Variants in GSE1 observed in about 807,000 individuals in gnomAD.
GSE1 encodes the protein Gse1 coiled-coil protein, also known as genetic suppressor element 1.
In GSE1, 32 loss-of-function variants were observed where a neutral mutation model predicts 112.6. That is an observed-to-expected ratio of 0.28 (90% CI 0.21 to 0.38). GSE1 has a LOEUF of 0.38. Among genes scored for constraint, GSE1 ranks in the 10% least tolerant of loss-of-function variants. The pLI is 1.00. For missense variants in GSE1, 2,348 were observed against 1,699.2 expected, an observed-to-expected ratio of 1.38 and a Z score of -6.71; for synonymous variants, 1,115 against 735.6, an observed-to-expected ratio of 1.52 and a Z score of -8.35.
intron 2 of GSE1, among the ~76,000 whole-genome samples, chr16:85,371,302 C>A (rs535320862): frequency 6.6e-6 from 1 of 152,206 alleles, no homozygotes; most frequent in African/African-American, 2.4e-5. Context: ...GATGGCCCCA[C>A]GCAGCGCCAT....
intron 1 of GSE1, among the ~76,000 whole-genome samples, chr16:85,201,900 C>A (rs886881948): frequency 2.0e-5 from 3 of 152,190 alleles, no homozygotes; most frequent in Non-Finnish European, 4.4e-5. Context: ...TTCAGAATTG[C>A]GGACAAGGAA....
At chr16:85,606,056 C>T (rs529827540) in intron 1 of GSE1, among the ~76,000 whole-genome samples, 1 of 152,314 alleles carries the variant, frequency 6.6e-6, no homozygotes, top group East Asian at 1.9e-4. Context: ...CAGCCCCTGC[C>T]CTCCTTCTCA....
At position 85,270,659 on chromosome 16, in the gene GSE1, C is replaced by T. The variant is rs967368627; in HGVS notation, c.2284-86804C>T. 4.7e-5 allele frequency among the ~76,000 whole-genome samples: 7 copies of T among 148,744 alleles called. 1 individual carries two copies. Among genetic ancestry groups the T allele is most frequent in the Admixed American group, 6.7e-5 (1 of 14,904 alleles). On this transcript the variant is annotated intron_variant, in intron 1 of 2. Transcript: ENST00000637419. ...CTTTGTTAATGCTCTGTCCTGCGTGCGGCCTTGAAGGAAACACACACGAGA... is the reference window on the plus strand; with the variant it reads ...CTTTGTTAATGCTCTGTCCTGCGTGTGGCCTTGAAGGAAACACACACGAGA...
chr16:85,468,931 A>T (rs754517719), intron 2 of GSE1, among the ~76,000 whole-genome samples: 3 of 152,192 alleles, frequency 2.0e-5, no homozygotes, highest in Non-Finnish European at 2.9e-5. Context: ...TAATTAATTA[A>T]GCCTCTTGAG....
At chr16:85,544,165 C>T (rs1333460563) in intron 2 of GSE1, among the ~76,000 whole-genome samples, 2 of 152,224 alleles carry the variant, frequency 1.3e-5, no homozygotes, top group South Asian at 2.1e-4. Context: ...ATGACTGTGC[C>T]GTTCTATTGA....
At chr16:85,270,167 G>C (rs1327422598) in intron 1 of GSE1, among the ~76,000 whole-genome samples, 2 of 148,916 alleles carry the variant, frequency 1.3e-5, no homozygotes, top group East Asian at 3.9e-4. Context: ...ACGCTCAGTG[G>C]TAACCTCCCC....
intron 1 of GSE1, among the ~76,000 whole-genome samples, chr16:85,250,294 C>T (rs377673513): frequency 1.9e-3 from 284 of 152,352 alleles, no homozygotes; most frequent in Non-Finnish European, 3.3e-3. Flanking sequence ...CAGAGGTTCT[C>T]GTGGCGCCCT....
intron 1 of GSE1, among the ~76,000 whole-genome samples, chr16:85,225,537 G>C (rs555419544): frequency 7.4e-4 from 113 of 152,324 alleles, no homozygotes; most frequent in African/African-American, 2.6e-3. Flanking sequence ...GGTGCAGCCT[G>C]ATCCGCATGA....
At position 85,654,875 on chromosome 16, in the gene GSE1, C is replaced by T. The variant is rs147629403; in HGVS notation, c.681C>T (p.Thr227=). ...DYLRSFRPYH[T]TDDLRMSSLP... is the part of the protein sequence containing the mutation. ...TGAGAAGCTTCCGGCCCTACCACAC[C>T]ACCGACGACCTCCGCATGTCCTCAC... Residue 227 remains threonine (T), a synonymous_variant, in exon 5 of 16, where the codon ACC becomes ACT. Transcript: ENST00000253458. The T allele has an allele frequency of 8.3e-3, 13,368 of 1,611,700 alleles. 75 individuals carry two copies. Among genetic ancestry groups the T allele is most frequent in the Non-Finnish European group, 9.9e-3 (11,723 of 1,179,232 alleles).
At chr16:85,312,934 G>A (rs982043811) in intron 1 of GSE1, among the ~76,000 whole-genome samples, 1 of 152,160 alleles carries the variant, frequency 6.6e-6, no homozygotes, top group Non-Finnish European at 1.5e-5. Flanking sequence ...TGTGACGGAA[G>A]TGCTGAGGCC....
intron 1 of GSE1, among the ~76,000 whole-genome samples, chr16:85,275,160 G>T (rs914982762): frequency 6.6e-6 from 1 of 152,092 alleles, no homozygotes; most frequent in African/African-American, 2.4e-5. Flanking sequence ...CCCAGACAAG[G>T]GAAAAGTCTC....
chr16:85,660,107 C>G lies in GSE1; in HGVS notation c.1641-1039C>G, dbSNP rs142840249. On this transcript the variant is annotated intron_variant, in intron 8 of 15. Transcript: ENST00000253458. ...CCAGCCTGCCCTGTGTCATGTGTCC[C>G]TACAAGGCACAGCAGGAGGAGAGGG... Among the ~76,000 whole-genome samples, 323 of 152,346 alleles carry G rather than the reference C, an allele frequency of 2.1e-3. 2 individuals are homozygous for G. Among genetic ancestry groups the G allele is most frequent in the African/African-American group, 6.9e-3 (286 of 41,594 alleles).
At chr16:85,552,328 C>CTTTTTTTTTTTTTTTTT (rs1195413161), upstream of GSE1, among the ~76,000 whole-genome samples, 4 of 47,754 alleles carry the variant, frequency 8.4e-5, 1 homozygote, top group African/African-American at 1.9e-4. Flanking sequence ...CCCGCCCCTC[C>CTTTTTTTTTTTTTTTTT]TTTTTTTTTT....
At position 85,494,538 on chromosome 16, in the gene GSE1, C is replaced by T. The variant is rs545775113; in HGVS notation, c.2464+136895C>T. 2.0e-5 allele frequency among the ~76,000 whole-genome samples: 3 copies of T among 151,832 alleles called. No individual in the cohort carries two copies. In the East Asian group the frequency reaches 5.8e-4, roughly 29 times the overall value. ...TGCAATCCCAGCTCACTGCAGCCTC[C>T]ACTTCCAGGCATGCCCCACCACGCC... On this transcript the variant is annotated intron_variant, in intron 2 of 2. Coordinates refer to the GSE1 transcript ENST00000637419.
At chr16:85,208,267 T>C (rs2075155086) in intron 1 of GSE1, among the ~76,000 whole-genome samples, 2 of 152,182 alleles carry the variant, frequency 1.3e-5, no homozygotes, top group South Asian at 4.1e-4. Context: ...CCCCACCACA[T>C]GCTGGGGATG....
At chr16:85,329,828 C>A (rs1406229034) in intron 1 of GSE1, among the ~76,000 whole-genome samples, 2 of 101,368 alleles carry the variant, frequency 2.0e-5, no homozygotes, top group Middle Eastern at 4.5e-3. Context: ...AGGCTGGGGA[C>A]GGGAGGGGAG....
intron 2 of GSE1, among the ~76,000 whole-genome samples, chr16:85,431,147 G>A (rs181151586): frequency 2.0e-5 from 3 of 152,312 alleles, no homozygotes; most frequent in East Asian, 1.9e-4. Flanking sequence ...AGCTCCAGGG[G>A]TGTTAATCTG....
chr16:85,284,990 C>A (rs777825308), intron 1 of GSE1: 1 of 152,236 alleles, frequency 6.6e-6, no homozygotes, highest in Non-Finnish European at 1.5e-5. Context: ...CTGTGGTCAT[C>A]GTTTCAGGCA....
chr16:85,324,716 C>G (rs1377370776), intron 1 of GSE1, among the ~76,000 whole-genome samples: 2 of 152,010 alleles, frequency 1.3e-5, no homozygotes, highest in African/African-American at 4.8e-5. Context: ...GAGGGTGGGT[C>G]TGCGCCATCC....
Sources: gnomAD v4.1 joint callset for allele counts (sites outside exome capture counted in the v4.1 genomes callset) on GRCh38, gnomAD v4.1.1 for gene constraint, MANE v1.5 for transcripts, NCBI Gene and HGNC (gene_info 2026-07-23, HGNC 2026-07-21) for gene names.